The following AMOTL1 variants were observed in gnomAD, a reference collection of about 807,000 sequenced individuals.
AMOTL1 encodes angiomotin like 1.
AMOTL1 carries 45 observed loss-of-function variants against 102.9 expected under a neutral mutation model. The observed-to-expected ratio is 0.44, with a 90% CI of 0.34 to 0.56. The LOEUF (loss-of-function observed/expected upper bound fraction) is 0.56, where lower values mean the gene tolerates loss of function less well. AMOTL1 is among the 20% of genes least tolerant of loss of function. AMOTL1 has a pLI of 0.01. For synonymous variants in AMOTL1, 481 were observed against 484.7 expected (o/e 0.99, Z 0.10); for missense variants, 1,114 against 1,225.6 (o/e 0.91, Z 1.36).
intron 3 of AMOTL1, among the ~76,000 whole-genome samples, chr11:94,811,698 C>G (rs1476069405): frequency 6.6e-6 from 1 of 151,970 alleles, no homozygotes; most frequent in Non-Finnish European, 1.5e-5. Flanking sequence ...AACAAACAAG[C>G]AACAACAACA....
intron 3 of AMOTL1, among the ~76,000 whole-genome samples, chr11:94,800,563 G>C (rs1951458319): frequency 6.6e-6 from 1 of 152,166 alleles, no homozygotes; most frequent in Admixed American, 6.5e-5. Context: ...TCACTTGTTA[G>C]CTGTCCTTGG....
intron 8 of AMOTL1, among the ~76,000 whole-genome samples, chr11:94,856,859 A>G (rs1213274562): frequency 2.0e-5 from 3 of 152,238 alleles, no homozygotes; most frequent in Non-Finnish European, 4.4e-5. Flanking sequence ...TGTTGAATCA[A>G]CAGCCCAGAC....
rs144482051 is a variant in AMOTL1 at position 94,750,046 on chromosome 11, T to C, written c.136+9058T>C. 5.9e-3 allele frequency among the ~76,000 whole-genome samples: 895 copies of C among 152,346 alleles called. 17 individuals carry two copies. The highest frequency in any genetic ancestry group is 0.02 in the African/African-American group (840 of 41,564). ...CTACTGTGTCAGGCACTTTGTACTT[T>C]ATACATATAACCATTGTACTCAGCT... On this transcript the variant is annotated intron_variant, in intron 3 of 4. Coordinates refer to the AMOTL1 transcript ENST00000299004.
rs200228355 is a variant in AMOTL1, at chr11:94,848,930, A to T, written c.1649-1184A>T. On this transcript the variant is annotated intron_variant, in intron 6 of 12. Transcript: ENST00000433060. ...GACAGAAATATGAATGAATGCAAACACTGTTAACCACTGGTTAACCACTGA... is the reference window on the plus strand; with the variant it reads ...GACAGAAATATGAATGAATGCAAACTCTGTTAACCACTGGTTAACCACTGA... Among the ~76,000 whole-genome samples the T allele has an allele frequency of 2.6e-5, 4 of 152,218 alleles. No individual in the cohort carries two copies. The East Asian group carries it at 7.7e-4, about 29-fold the overall frequency.
chr11:94,766,487 T>G (rs1950856311), upstream of AMOTL1, among the ~76,000 whole-genome samples: 1 of 152,228 alleles, frequency 6.6e-6, no homozygotes, highest in African/African-American at 2.4e-5. Context: ...ACTTGATGGT[T>G]GTAACTTGGA....
chr11:94,788,485 C>T (rs1159209397), intron 1 of AMOTL1, among the ~76,000 whole-genome samples: 1 of 152,214 alleles, frequency 6.6e-6, no homozygotes, highest in Non-Finnish European at 1.5e-5. Flanking sequence ...TTAACATCCT[C>T]CTCATTTTCC....
intron 6 of AMOTL1, among the ~76,000 whole-genome samples, chr11:94,839,116 A>G (rs1952243597): frequency 6.6e-6 from 1 of 152,216 alleles, no homozygotes; most frequent in Admixed American, 6.5e-5. Context: ...CAGCCATCTG[A>G]TGGCCGCCAC....
At chr11:94,844,110 T>C (rs934037111) in intron 6 of AMOTL1, among the ~76,000 whole-genome samples, 11 of 152,174 alleles carry the variant, frequency 7.2e-5, no homozygotes. Context: ...TTTCTGAGGT[T>C]CATTGTTGTG....
At chr11:94,867,449 G>T (rs1250319579) in intron 11 of AMOTL1, among the ~76,000 whole-genome samples, 1 of 152,204 alleles carries the variant, frequency 6.6e-6, no homozygotes, top group Non-Finnish European at 1.5e-5. Context: ...GTGCAGCCAG[G>T]CAGGCATCTC....
At chr11:94,769,895 G>A (rs527985008) in intron 1 of AMOTL1, among the ~76,000 whole-genome samples, 26 of 152,290 alleles carry the variant, frequency 1.7e-4, no homozygotes, top group African/African-American at 6.0e-4. Flanking sequence ...AGAGCCAGTT[G>A]TGATACCTCG....
chr11:94,742,402 A>C (rs1240606672), intron 3 of AMOTL1, among the ~76,000 whole-genome samples: 2 of 152,212 alleles, frequency 1.3e-5, no homozygotes. Flanking sequence ...AACATAAGCA[A>C]TGGTAGGATG....
chr11:94,740,940 A>G (rs1417019820), exon 3 of AMOTL1: 4 of 1,288,868 alleles, frequency 3.1e-6, no homozygotes, highest in Admixed American at 2.3e-5. Flanking sequence ...TCCCCCAGAC[A>G]GTGAGTTTGT....
At chr11:94,716,026 T>C (rs1244673562) in intron 1 of AMOTL1, among the ~76,000 whole-genome samples, 1 of 152,142 alleles carries the variant, frequency 6.6e-6, no homozygotes, top group Non-Finnish European at 1.5e-5. Context: ...CTACAGAGCC[T>C]CTGAGGCTCT....
At chr11:94,710,392 C>T (rs1451244988) in intron 1 of AMOTL1, among the ~76,000 whole-genome samples, 1 of 152,218 alleles carries the variant, frequency 6.6e-6, no homozygotes, top group Admixed American at 6.5e-5. Flanking sequence ...TTTCTAGTTG[C>T]TGACCTTGGG....
chr11:94,758,145 T>C (rs1228725229), intron 3 of AMOTL1, among the ~76,000 whole-genome samples: 1 of 152,202 alleles, frequency 6.6e-6, no homozygotes, highest in African/African-American at 2.4e-5. Context: ...TTCAAATTAA[T>C]TTCAGGGTTT....
chr11:94,825,710 A>C (rs551015359), intron 4 of AMOTL1, among the ~76,000 whole-genome samples: 51 of 152,318 alleles, frequency 3.3e-4, no homozygotes, highest in Non-Finnish European at 5.4e-4. Context: ...ATCTTTAACA[A>C]ATATCAGAGG....
At chr11:94,754,269 G>A (rs1950693779) in intron 3 of AMOTL1, among the ~76,000 whole-genome samples, 1 of 152,200 alleles carries the variant, frequency 6.6e-6, no homozygotes, top group South Asian at 2.1e-4. Flanking sequence ...CTTTCCAGAT[G>A]AGATCCATCC....
At chr11:94,842,512 A>G (rs1044829173) in intron 6 of AMOTL1, among the ~76,000 whole-genome samples, 1 of 152,254 alleles carries the variant, frequency 6.6e-6, no homozygotes, top group African/African-American at 2.4e-5. Context: ...GCACTGTGTC[A>G]ACAGGGACAT....
chr11:94,741,532 A>G (rs1015593447), intron 3 of AMOTL1, among the ~76,000 whole-genome samples: 1 of 152,110 alleles, frequency 6.6e-6, no homozygotes, highest in African/African-American at 2.4e-5. Context: ...GTTAGCCTGT[A>G]GGTGTCTCGA....
Sources: gnomAD v4.1 joint callset for allele counts (sites outside exome capture counted in the v4.1 genomes callset) on GRCh38, gnomAD v4.1.1 for gene constraint, MANE v1.5 for transcripts, NCBI Gene and HGNC (gene_info 2026-07-23, HGNC 2026-07-21) for gene names.